The following EFL1 variants were observed in gnomAD, a reference collection of about 807,000 sequenced individuals.
The protein encoded by EFL1 is elongation factor-like GTPase 1.
Under a neutral mutation model 126.7 loss-of-function variants are expected in EFL1, and 76 were observed. The observed-to-expected ratio is 0.60, with a 90% CI of 0.50 to 0.73. The LOEUF (loss-of-function observed/expected upper bound fraction) is 0.73. Among genes scored for constraint, EFL1 ranks in the 30% least tolerant of loss-of-function variants. The pLI, the probability that EFL1 is intolerant of heterozygous loss-of-function variation, is 0.00. For missense variants in EFL1, 1,128 were observed against 1,343.2 expected, an observed-to-expected ratio of 0.84 and a Z score of 2.50; for synonymous variants, 410 against 448.4, an observed-to-expected ratio of 0.91 and a Z score of 1.08.
intron 18 of EFL1, among the ~76,000 whole-genome samples, chr15:82,149,812 TAGAAAAAAACAC>T (rs1438617381): frequency 6.6e-6 from 1 of 152,102 alleles, no homozygotes; most frequent in Non-Finnish European, 1.5e-5. Context: ...TTGCTCAATA[TAGAAAAAAACAC>T]CATTAAATCA....
chr15:82,178,184 T>C (rs2074214134), intron 15 of EFL1, among the ~76,000 whole-genome samples: 1 of 152,212 alleles, frequency 6.6e-6, no homozygotes, highest in Non-Finnish European at 1.5e-5. Context: ...AGAGCATCTT[T>C]GAAGAAGCTT....
chr15:82,163,719 T>C (rs2141242362), intron 16 of EFL1, 134 bp downstream of exon 16: 7 of 1,056,420 alleles, frequency 6.6e-6, no homozygotes, highest in South Asian at 6.4e-5. Flanking sequence ...CTTTGAAGAG[T>C]TGCTTCTACT....
intron 15 of EFL1, among the ~76,000 whole-genome samples, chr15:82,210,671 G>A (rs1200957231): frequency 6.6e-6 from 1 of 152,060 alleles, no homozygotes; most frequent in Middle Eastern, 3.2e-3. Context: ...AGAGCAGCCT[G>A]GCCAACATGG....
In EFL1 at chr15:82,230,811, T is replaced by C. The variant is rs772941394; in HGVS notation, c.855+37A>G. The C allele has an allele frequency of 1.9e-6, 3 of 1,577,118 alleles. No individual in the cohort carries two copies. The African/African-American group carries it at 4.1e-5, about 22-fold the overall frequency. ...AGTATAGGTTTTCATAGGGCAAGAA[T>C]ATGACCAACAACCAAAAGGGACATA... is the stretch of plus-strand genomic sequence containing the variant. On this transcript the variant is annotated intron_variant, in intron 8 of 19. Coordinates refer to ENST00000268206, the MANE Select transcript of EFL1 (RefSeq NM_024580.6).
At chr15:82,214,979 T>C in intron 14 of EFL1, 124 bp from the exon 15 acceptor site, 2 of 860,448 alleles carry the variant, frequency 2.3e-6, no homozygotes, top group Admixed American at 3.6e-5. Flanking sequence ...AAACCTGAAA[T>C]ATGAACATTT....
At chr15:82,204,386 CA>C (rs34231343) in intron 15 of EFL1, among the ~76,000 whole-genome samples, 67 of 147,824 alleles carry the variant, frequency 4.5e-4, no homozygotes, top group South Asian at 1.1e-3. Context: ...TTTTGGAAAT[CA>C]AAAAAAAAAA....
chr15:82,229,970 G>A (rs2074804218), intron 8 of EFL1, among the ~76,000 whole-genome samples: 2 of 152,134 alleles, frequency 1.3e-5, no homozygotes, highest in South Asian at 2.1e-4. Context: ...ATAAGTGGTG[G>A]AGCCAAAATT....
At chr15:82,145,790 C>G (rs928890007) in intron 18 of EFL1, among the ~76,000 whole-genome samples, 2 of 149,194 alleles carry the variant, frequency 1.3e-5, no homozygotes, top group African/African-American at 4.9e-5. Context: ...GAGCCAAGAT[C>G]GTGCCATTGC....
intron 15 of EFL1, among the ~76,000 whole-genome samples, chr15:82,176,294 CAA>C (rs1355829620): frequency 6.6e-6 from 1 of 152,082 alleles, no homozygotes; most frequent in African/African-American, 2.4e-5. Context: ...ATTTCTTAAA[CAA>C]GACACAAAAA....
chr15:82,237,579 T>C (rs868123239), intron 7 of EFL1, among the ~76,000 whole-genome samples: 4 of 152,178 alleles, frequency 2.6e-5, no homozygotes, highest in Non-Finnish European at 5.9e-5. Context: ...AATGGTACAG[T>C]CCGTCTGGAA....
chr15:82,226,579 G>A (rs2074766238), intron 11 of EFL1, among the ~76,000 whole-genome samples: 2 of 152,160 alleles, frequency 1.3e-5, no homozygotes, highest in Admixed American at 1.3e-4. Context: ...TTGGGGATAA[G>A]ATAAAAAGTC....
At chr15:82,141,687 C>CAAAAAAAAAAAA (rs111707224) in intron 18 of EFL1, among the ~76,000 whole-genome samples, 3 of 111,780 alleles carry the variant, frequency 2.7e-5, no homozygotes, top group Non-Finnish European at 1.8e-5. Flanking sequence ...AAAAAAAAAC[C>CAAAAAAAAAAAA]AAAAAAAAAA....
chr15:82,138,609 T>A (rs573035571), intron 19 of EFL1, 49 bp downstream of exon 19: 11 of 1,592,448 alleles, frequency 6.9e-6, no homozygotes, highest in Non-Finnish European at 9.4e-6. Context: ...CTGTAGGGAA[T>A]GTATCCATAG....
chr15:82,164,292 T>C (rs1401902091), intron 15 of EFL1, among the ~76,000 whole-genome samples: 1 of 152,214 alleles, frequency 6.6e-6, no homozygotes, highest in Non-Finnish European at 1.5e-5. Context: ...CTGAAAACAC[T>C]GATTATTTCT....
rs2651728 is a variant in EFL1 at position 82,219,572 on chromosome 15, A to G, written c.1611+80T>C. ...GACAAACTAAATCTACCAACAAGATAATCACCAGTCCCAACAAAATGTGAA... is the reference window on the plus strand; with the variant it reads ...GACAAACTAAATCTACCAACAAGATGATCACCAGTCCCAACAAAATGTGAA... On this transcript the variant is annotated intron_variant, in intron 14 of 19. Coordinates refer to ENST00000268206, the MANE Select transcript of EFL1 (RefSeq NM_024580.6). 1.9e-4 allele frequency: 271 copies of G among 1,438,498 alleles called. 4 individuals are homozygous for G. The East Asian group carries it at 6.2e-3, about 33-fold the overall frequency. 89.1% of individuals were successfully genotyped at this position (1,438,498 alleles called of 1,614,324 possible). A position where few individuals can be genotyped will look rare whatever the true frequency, so the allele number is the denominator to read the frequency against.
chr15:82,174,495 A>G (rs1244776703), intron 15 of EFL1: 1 of 152,224 alleles, frequency 6.6e-6, no homozygotes, highest in African/African-American at 2.4e-5. Flanking sequence ...CAGGGCAATG[A>G]ACCTGGGATT....
chr15:82,133,518 AC>A (rs1247049033), intron 19 of EFL1, among the ~76,000 whole-genome samples: 2 of 152,196 alleles, frequency 1.3e-5, no homozygotes, highest in Non-Finnish European at 1.5e-5. Flanking sequence ...AACTGGTGAA[AC>A]CTGAACAAGT....
intron 4 of EFL1, among the ~76,000 whole-genome samples, chr15:82,245,994 CT>C (rs2074969469): frequency 1.3e-5 from 2 of 151,598 alleles, no homozygotes; most frequent in South Asian, 4.2e-4. Flanking sequence ...CTAGAAACAA[CT>C]ATGAATAGCA....
chr15:82,130,427 T>C lies in EFL1; in HGVS notation c.3309A>G (p.Glu1103=). The C allele has an allele frequency of 6.2e-7, 1 of 1,614,222 alleles. No individual in the cohort carries two copies. ...TTTCTGCATGCTCCACAATCTTTTC[T>C]TCCACATAAAGCCCCTTCCGCTTTC... ...AVRKRKGLYV[E]EKIVEHAEKQ... is the part of the protein sequence containing the mutation. Residue 1103 remains glutamate (E), a synonymous_variant, in exon 20 of 20, where the codon GAA becomes GAG. Transcript: ENST00000268206.
Sources: gnomAD v4.1 joint callset for allele counts (sites outside exome capture counted in the v4.1 genomes callset) on GRCh38, gnomAD v4.1.1 for gene constraint, MANE v1.5 for transcripts, NCBI Gene and HGNC (gene_info 2026-07-23, HGNC 2026-07-21) for gene names.